The following NBPF20 variants were observed in gnomAD, a reference collection of about 807,000 sequenced individuals.
NBPF20 encodes the protein NBPF member 20, also known as NBPF family member NBPF20.
In NBPF20, 90 loss-of-function variants were observed where a neutral mutation model predicts 68.1. The ratio of observed to expected loss-of-function variants is 1.32; its 90% confidence interval spans 1.11 to 1.58. The LOEUF is 1.58. Among genes scored for constraint, NBPF20 ranks in the 40% most tolerant of loss-of-function variants. The pLI is 0.00. For synonymous variants in NBPF20, 290 were observed against 228.1 expected, an observed-to-expected ratio of 1.27 and a Z score of -2.45; for missense variants, 816 against 601.2, an observed-to-expected ratio of 1.36 and a Z score of -3.74.
exon 4 of NBPF20, chr1:145,402,356 G>C: frequency 6.2e-7 from 1 of 1,603,756 alleles, no homozygotes. Context: ...TCTCGTTCCT[G>C]AGCGTGAACC....
At chr1:145,408,694 T>C (rs1662900895), upstream of NBPF20, among the ~76,000 whole-genome samples, 1 of 151,962 alleles carries the variant, frequency 6.6e-6, no homozygotes, top group Admixed American at 6.6e-5. Flanking sequence ...GTTGATGTAA[T>C]ATGCTAACAA....
the NBPF20 span, among the ~76,000 whole-genome samples, chr1:145,424,295 G>A: frequency 1.3e-5 from 2 of 151,354 alleles, no homozygotes; most frequent in Non-Finnish European, 2.9e-5. Context: ...ATTTAAAATT[G>A]TGAACCTCTC....
chr1:145,291,534 G>A, exon 138 of NBPF20: 2 of 1,611,868 alleles, frequency 1.2e-6, no homozygotes, highest in Non-Finnish European at 8.5e-7. Flanking sequence ...GTTTATTGTG[G>A]GAATATGACT....
rs587644194 is a variant in NBPF20, at chr1:145,291,868, G to C, written c.16698-99C>G. Reference sequence around the variant, plus strand: ...GTCACATAAGGAAGTGGTTAGAAAAGAAAAAGGATAGATCCATTAATGAGG... The same window carrying C: ...GTCACATAAGGAAGTGGTTAGAAAACAAAAAGGATAGATCCATTAATGAGG... On this transcript the variant is annotated intron_variant, in intron 137 of 137. Transcript: ENST00000369373. 2.4e-3 allele frequency: 3,805 copies of C among 1,598,432 alleles called. 14 individuals are homozygous for C. The highest frequency in any genetic ancestry group is 9.5e-3 in the Middle Eastern group (41 of 4,334).
Position 145,393,600 on chromosome 1 carries a change from C to T in NBPF20, c.1043+284G>A, listed in dbSNP as rs1306881638. ...TGAACAGTGATCATGAAAAGCATGT[C>T]CTCAATAATTTTGCATAAAATGTGC... On this transcript the variant is annotated intron_variant, in intron 9 of 137. Transcript: ENST00000369373. The T allele has an allele frequency of 1.1e-5, 7 of 665,908 alleles. No homozygotes were observed. In the East Asian group the frequency reaches 1.1e-4, roughly 10 times the overall value. The allele number at this position is 665,908 out of a possible 1,614,324, so 41.2% of individuals were successfully genotyped here. A position where few individuals can be genotyped will look rare whatever the true frequency, so the allele number is the denominator to read the frequency against.
intron 13 of NBPF20, among the ~76,000 whole-genome samples, chr1:145,390,397 G>C (rs1384733822): frequency 2.4e-5 from 1 of 41,576 alleles, no homozygotes. Context: ...TCAGTGAATT[G>C]TCCAGGTGAC....
the NBPF20 span, among the ~76,000 whole-genome samples, chr1:145,421,520 CATTT>C: frequency 1.0e-3 from 157 of 152,228 alleles, no homozygotes; most frequent in African/African-American, 3.6e-3. Context: ...TTCATTCATT[CATTT>C]AACAAATATT....
At chr1:145,398,452 C>A (rs1662364294) in intron 7 of NBPF20, among the ~76,000 whole-genome samples, 1 of 152,122 alleles carries the variant, frequency 6.6e-6, no homozygotes, top group Non-Finnish European at 1.5e-5. Flanking sequence ...TACATGGAAA[C>A]TCAACAACCT....
At chr1:145,403,055 CCTT>C (rs1662600223) in intron 3 of NBPF20, among the ~76,000 whole-genome samples, 158 bp downstream of exon 8, 1 of 151,346 alleles carries the variant, frequency 6.6e-6, no homozygotes, top group South Asian at 2.1e-4. Context: ...TTTTTATTAT[CCTT>C]CTTCTCTGTT....
upstream of NBPF20, chr1:145,408,030 G>A (rs587687177): frequency 7.9e-5 from 14 of 177,338 alleles, no homozygotes; most frequent in Middle Eastern, 2.2e-3. Context: ...GAAGAGCATC[G>A]GTGGAGCCCC....
rs1326052175 is a variant in NBPF20, at chr1:145,399,268, T to C, written c.776-168A>G. On this transcript the variant is annotated intron_variant, in intron 6 of 137. Coordinates refer to ENST00000369373, the Ensembl canonical transcript of NBPF20. ...TAGATTAACTTTGGTGAGAATTAGA[T>C]AACCCTGCTTTCCAGACCCACAGGC... 2.0e-5 allele frequency among the ~76,000 whole-genome samples: 3 copies of C among 152,256 alleles called. No individual in the cohort carries two copies. In the East Asian group the frequency reaches 5.8e-4, roughly 29 times the overall value.
intron 2 of NBPF20, among the ~76,000 whole-genome samples, chr1:145,404,149 G>C (rs1414668797): frequency 2.0e-5 from 3 of 147,018 alleles, no homozygotes; most frequent in African/African-American, 7.6e-5. Flanking sequence ...ACACATTCTC[G>C]GGTGTGATCT....
intron 7 of NBPF20, among the ~76,000 whole-genome samples, chr1:145,398,133 G>T (rs1662351032): frequency 6.6e-6 from 1 of 151,952 alleles, no homozygotes; most frequent in Non-Finnish European, 1.5e-5. Flanking sequence ...ATCATCATGG[G>T]AGACTTTAAC....
chr1:145,421,853 C>T, the NBPF20 span, among the ~76,000 whole-genome samples: 3 of 151,990 alleles, frequency 2.0e-5, no homozygotes, highest in Admixed American at 2.0e-4. Flanking sequence ...CCAGTCTGGG[C>T]ACTACAGGAA....
At chr1:145,419,242 G>GGGAAGGAA in the NBPF20 span, among the ~76,000 whole-genome samples, 1 of 151,236 alleles carries the variant, frequency 6.6e-6, no homozygotes, top group Non-Finnish European at 1.5e-5. Context: ...GAGAGAAGTA[G>GGGAAGGAA]GGAAGGAAGG....
intron 3 of NBPF20, among the ~76,000 whole-genome samples, chr1:145,402,835 G>A (rs1252656572): frequency 1.3e-5 from 2 of 150,778 alleles, no homozygotes; most frequent in Non-Finnish European, 2.9e-5. Context: ...AACATTGATT[G>A]AGTGAAAGAA....
intron 6 of NBPF20, among the ~76,000 whole-genome samples, chr1:145,399,742 A>C (rs1229378722): frequency 3.1e-5 from 4 of 130,206 alleles, no homozygotes; most frequent in Admixed American, 8.5e-5. Flanking sequence ...GTGCCACTGC[A>C]CTCCAGCCTG....
intron 3 of NBPF20, among the ~76,000 whole-genome samples, chr1:145,402,898 G>A (rs1662591752): frequency 6.6e-6 from 1 of 151,280 alleles, no homozygotes; most frequent in Admixed American, 6.6e-5. Flanking sequence ...AAGTGGGGTG[G>A]TGATGGCACA....
the NBPF20 span, among the ~76,000 whole-genome samples, chr1:145,421,175 G>T: frequency 6.6e-6 from 1 of 151,662 alleles, no homozygotes; most frequent in Non-Finnish European, 1.5e-5. Context: ...TAATACTTGA[G>T]GCAGATCTTA....
Sources: allele counts gnomAD v4.1 joint callset (sites outside exome capture counted in the v4.1 genomes callset), GRCh38; gene constraint gnomAD v4.1.1; transcripts MANE v1.5; gene names NCBI Gene and HGNC (gene_info 2026-07-23, HGNC 2026-07-21).